The following C10orf53 variants were observed in gnomAD, a reference collection of about 807,000 sequenced individuals.
The protein encoded by C10orf53 is chromosome 10 open reading frame 53, also known as UPF0728 protein C10orf53.
A neutral mutation model predicts 9.4 loss-of-function variants in C10orf53; 8 were observed. The observed-to-expected ratio is 0.85, with a 90% CI of 0.50 to 1.53. C10orf53 has a LOEUF of 1.53. Among genes scored for constraint, C10orf53 ranks in the 40% most tolerant of loss-of-function variants. The pLI is 0.00. For synonymous variants in C10orf53, 48 were observed against 46.0 expected (o/e 1.04, Z -0.18); for missense variants, 117 against 117.8 (o/e 0.99, Z 0.03).
At chr10:49,689,913 CA>C (rs1203237898) in intron 1 of C10orf53, among the ~76,000 whole-genome samples, 12 of 152,166 alleles carry the variant, frequency 7.9e-5, no homozygotes, top group African/African-American at 2.6e-4. Context: ...ATTTAGAGAT[CA>C]AAAAACATAT....
downstream of C10orf53, among the ~76,000 whole-genome samples, chr10:49,699,388 A>G (rs1258322): frequency 0.87 from 130,944 of 151,226 alleles, 58,973 homozygotes; most frequent in Non-Finnish European, 0.99. Context: ...TAGAGATGGC[A>G]TCTCCTATGT....
chr10:49,688,682 G>A (rs1840552723), intron 1 of C10orf53, among the ~76,000 whole-genome samples: 1 of 144,510 alleles, frequency 6.9e-6, no homozygotes, highest in African/African-American at 2.6e-5. Flanking sequence ...CGCTGCTGCA[G>A]CCACAGCCAC....
rs1840635049 is a variant in C10orf53, at chr10:49,696,367, G to A, written c.*1765G>A. Among the ~76,000 whole-genome samples the A allele has an allele frequency of 6.6e-6, 1 of 152,142 alleles. No individual in the cohort carries two copies. Among genetic ancestry groups the A allele is most frequent in the South Asian group, 2.1e-4 (1 of 4,830 alleles). ...TCAATGCTGAGAACTGAAATTGCTA[G>A]CTTCCCCTGTCTGCATTTGGAGTGG... On this transcript the variant is annotated 3_prime_UTR_variant, in exon 3 of 3. Transcript: ENST00000374111.
In C10orf53 at chr10:49,696,116, T is replaced by C. The variant is rs562337417; in HGVS notation, c.*1514T>C. On this transcript the variant is annotated 3_prime_UTR_variant, in exon 3 of 3. Transcript: ENST00000374111. ...AAGAGATAGACATATAGAAATTGAC[T>C]TCATCCATTTGAGATTTATGCACAA... 5 of 152,364 alleles carry C rather than the reference T, an allele frequency of 3.3e-5. No homozygotes were observed. In the East Asian group the frequency reaches 9.6e-4, roughly 29 times the overall value. 9.4% of individuals were successfully genotyped at this position (152,364 alleles called of 1,614,324 possible).
rs780477616 is a variant in C10orf53 at position 49,694,653 on chromosome 10, C to T, written c.*51C>T. 2 of 1,613,428 alleles carry T rather than the reference C, an allele frequency of 1.2e-6. No homozygotes were observed. The highest frequency in any genetic ancestry group is 1.7e-5 in the Admixed American group (1 of 59,976). On this transcript the variant is annotated 3_prime_UTR_variant, in exon 3 of 3. Transcript: ENST00000374111. Reference sequence around the variant, plus strand: ...GTCGGCACAACAGCAGCTGCCCCAGCCATTCTATGATGCAGGCAGAAGTGG... The same window carrying T: ...GTCGGCACAACAGCAGCTGCCCCAGTCATTCTATGATGCAGGCAGAAGTGG...
chr10:49,693,945 C>A (rs901140389), intron 2 of C10orf53, 52 bp downstream of exon 2: 2 of 1,610,356 alleles, frequency 1.2e-6, no homozygotes, highest in Non-Finnish European at 1.7e-6. Flanking sequence ...TCTGAGGAGT[C>A]CCTCAATTTC....
At position 49,692,184 on chromosome 10, in the gene C10orf53, C is replaced by T. The variant is rs115345088; in HGVS notation, c.98-1590C>T. On this transcript the variant is annotated intron_variant, in intron 1 of 2. Transcript: ENST00000374111. ...CCAAACTGAGTGCCTTCTTCAAAGA[C>T]GTTTAAGAACGAGACACTTAAACAG... 4.6e-3 allele frequency among the ~76,000 whole-genome samples: 708 copies of T among 152,258 alleles called. 7 individuals are homozygous for T. Among genetic ancestry groups the T allele is most frequent in the African/African-American group, 0.016 (668 of 41,542 alleles).
chr10:49,704,718 T>A (rs1840710583), intron 2 of C10orf53, among the ~76,000 whole-genome samples: 1 of 152,116 alleles, frequency 6.6e-6, no homozygotes, highest in African/African-American at 2.4e-5. Flanking sequence ...CACTCCACCC[T>A]GGGTGGCAGA....
intron 2 of C10orf53, among the ~76,000 whole-genome samples, chr10:49,707,071 A>AT (rs386371324): frequency 1.6e-5 from 1 of 63,208 alleles, no homozygotes; most frequent in Non-Finnish European, 4.9e-5. Context: ...AAAAATTAAT[A>AT]AAAAACAAAA....
At chr10:49,705,233 C>A (rs974073197) in intron 2 of C10orf53, among the ~76,000 whole-genome samples, 6 of 152,178 alleles carry the variant, frequency 3.9e-5, no homozygotes, top group African/African-American at 1.4e-4. Context: ...TGCATTGAAT[C>A]TGCTTAAAAT....
downstream of C10orf53, among the ~76,000 whole-genome samples, chr10:49,702,068 G>T (rs1457106682): frequency 6.6e-6 from 1 of 151,924 alleles, no homozygotes; most frequent in Admixed American, 6.6e-5. Flanking sequence ...ATGGTGGTGG[G>T]CGCCTGTAAT....
chr10:49,703,098 T>C (rs2132891072), intron 2 of C10orf53, among the ~76,000 whole-genome samples: 1 of 152,278 alleles, frequency 6.6e-6, no homozygotes, highest in Non-Finnish European at 1.5e-5. Flanking sequence ...CTCTTCACCA[T>C]GCCAGACTAG....
At position 49,695,233 on chromosome 10, in the gene C10orf53, G is replaced by A. The variant is rs1840623305; in HGVS notation, c.*631G>A. On this transcript the variant is annotated 3_prime_UTR_variant, in exon 3 of 3. Transcript: ENST00000374111. Reference sequence around the variant, plus strand: ...TATCGTCTGAGGAGGGCGCAAAAGAGTCCTCAGCAGAATGTGAGATGGTTC... The same window carrying A: ...TATCGTCTGAGGAGGGCGCAAAAGAATCCTCAGCAGAATGTGAGATGGTTC... The A allele has an allele frequency of 1.3e-5, 2 of 153,126 alleles. No individual in the cohort carries two copies. The highest frequency in any genetic ancestry group is 2.9e-5 in the Non-Finnish European group (2 of 68,930). 9.5% of individuals were successfully genotyped at this position (153,126 alleles called of 1,614,324 possible).
rs1041215586 is a variant in C10orf53, at chr10:49,694,478, T to C, written c.218-60T>C. 5 of 1,605,636 alleles carry C rather than the reference T, an allele frequency of 3.1e-6. No homozygotes were observed. In the South Asian group the frequency reaches 4.4e-5, roughly 14 times the overall value. ...TCTGGGTGGAAGCCATAGGTATGTC[T>C]GATATGATAACAAATTGTATATAAA... On this transcript the variant is annotated intron_variant, in intron 2 of 2. Coordinates refer to ENST00000374111, the MANE Select transcript of C10orf53 (RefSeq NM_001042427.3).
chr10:49,685,082 T>C (rs1451814549), intron 1 of C10orf53, among the ~76,000 whole-genome samples: 1 of 152,070 alleles, frequency 6.6e-6, no homozygotes, highest in Non-Finnish European at 1.5e-5. Context: ...GTGAACCAAT[T>C]CCTTAAAACC....
At chr10:49,707,070 T>TA (rs35145556) in intron 2 of C10orf53, among the ~76,000 whole-genome samples, 57,264 of 152,000 alleles carry the variant, frequency 0.38, 12,888 homozygotes, top group East Asian at 0.81. Flanking sequence ...CAAAAATTAA[T>TA]AAAAAACAAA....
chr10:49,689,429 A>G (rs753030349), intron 1 of C10orf53, among the ~76,000 whole-genome samples: 1 of 152,212 alleles, frequency 6.6e-6, no homozygotes, highest in Non-Finnish European at 1.5e-5. Flanking sequence ...AGTAAATTGA[A>G]CTGTCACCTT....
chr10:49,682,021 A>G (rs1379943003), intron 1 of C10orf53, among the ~76,000 whole-genome samples: 2 of 152,142 alleles, frequency 1.3e-5, no homozygotes, highest in African/African-American at 4.8e-5. Context: ...TCCCCCTCTG[A>G]TGAGCCACAC....
At chr10:49,704,730 C>T (rs1271099) in intron 2 of C10orf53, among the ~76,000 whole-genome samples, 57,099 of 151,962 alleles carry the variant, frequency 0.38, 12,802 homozygotes, top group East Asian at 0.81. Flanking sequence ...GGTGGCAGAG[C>T]GAGACTCTGT....
Sources: gnomAD v4.1 joint callset for allele counts (sites outside exome capture counted in the v4.1 genomes callset) on GRCh38, gnomAD v4.1.1 for gene constraint, MANE v1.5 for transcripts, NCBI Gene and HGNC (gene_info 2026-07-23, HGNC 2026-07-21) for gene names.